CSMD1: variants seen among roughly 807,000 people sequenced by gnomAD.
The protein encoded by CSMD1 is CUB and sushi domain-containing protein 1.
CSMD1 carries 213 observed loss-of-function variants against 417.5 expected under a neutral mutation model. The ratio of observed to expected loss-of-function variants is 0.51; its 90% CI spans 0.46 to 0.57. The LOEUF (loss-of-function observed/expected upper bound fraction) is 0.57, where lower values mean the gene tolerates loss of function less well. Among genes scored for constraint, CSMD1 ranks in the 20% least tolerant of loss-of-function variants. The pLI is 0.00. For missense variants in CSMD1, 6,923 were observed against 4,529.7 expected (o/e 1.53, Z -15.17); for synonymous variants, 2,862 against 1,736.8 (o/e 1.65, Z -16.11).
At chr8:4,141,690 T>A (rs1803801117) in intron 3 of CSMD1, among the ~76,000 whole-genome samples, 1 of 151,150 alleles carries the variant, frequency 6.6e-6, no homozygotes, top group Admixed American at 6.6e-5. Flanking sequence ...TTGCTTAAAT[T>A]TTGGAGAGCA....
At chr8:3,983,006 C>A (rs935265490) in intron 5 of CSMD1, among the ~76,000 whole-genome samples, 1 of 152,224 alleles carries the variant, frequency 6.6e-6, no homozygotes, top group Admixed American at 6.5e-5. Context: ...GTTAGTAGCC[C>A]AAGACAGCAC....
At chr8:3,138,356 G>A (rs764486602) in intron 41 of CSMD1, among the ~76,000 whole-genome samples, 1 of 152,196 alleles carries the variant, frequency 6.6e-6, no homozygotes, top group Admixed American at 6.5e-5. Flanking sequence ...GTGGCCATTA[G>A]AGCAAACTAA....
intron 2 of CSMD1, among the ~76,000 whole-genome samples, chr8:4,506,524 G>C (rs1389954428): frequency 2.6e-5 from 4 of 152,136 alleles, no homozygotes; most frequent in Admixed American, 6.5e-5. Context: ...GGCGGGGTTG[G>C]GGATGGGAGG....
intron 15 of CSMD1, among the ~76,000 whole-genome samples, chr8:3,400,489 A>G (rs1811971311): frequency 6.6e-6 from 1 of 152,124 alleles, no homozygotes; most frequent in South Asian, 2.1e-4. Context: ...GAATTAGTGA[A>G]ATTTATGGAT....
chr8:4,673,830 A>T (rs1805503285), intron 1 of CSMD1, among the ~76,000 whole-genome samples: 1 of 152,146 alleles, frequency 6.6e-6, no homozygotes, highest in African/African-American at 2.4e-5. Flanking sequence ...GACTAAAAGC[A>T]ATTGAGTGCT....
At chr8:4,797,675 G>T (rs1054304037) in intron 1 of CSMD1, among the ~76,000 whole-genome samples, 1 of 152,170 alleles carries the variant, frequency 6.6e-6, no homozygotes, top group African/African-American at 2.4e-5. Context: ...GAAGCTAATA[G>T]GAATGCTTTC....
chr8:4,300,168 AACAG>A (rs1356828313), intron 3 of CSMD1, among the ~76,000 whole-genome samples: 17 of 151,494 alleles, frequency 1.1e-4, no homozygotes, highest in African/African-American at 3.9e-4. Flanking sequence ...ACAACAACAA[AACAG>A]ACAATTTCCT....
intron 2 of CSMD1, among the ~76,000 whole-genome samples, chr8:4,446,539 C>A (rs1798798893): frequency 6.6e-6 from 1 of 152,002 alleles, no homozygotes; most frequent in Non-Finnish European, 1.5e-5. Context: ...AGAATGAGAC[C>A]CCGGTTCTGC....
intron 10 of CSMD1, among the ~76,000 whole-genome samples, chr8:3,556,829 C>T (rs1799177438): frequency 6.6e-6 from 1 of 151,984 alleles, no homozygotes; most frequent in Non-Finnish European, 1.5e-5. Flanking sequence ...CCTCTCCCTT[C>T]ACTGCCATAG....
chr8:4,497,839 T>C (rs986055526), intron 2 of CSMD1, among the ~76,000 whole-genome samples: 3 of 151,960 alleles, frequency 2.0e-5, no homozygotes, highest in African/African-American at 4.8e-5. Context: ...GGTAGAAAAA[T>C]AATTTCTTTT....
chr8:4,038,865 G>A (rs552461781), intron 3 of CSMD1, among the ~76,000 whole-genome samples: 1 of 152,102 alleles, frequency 6.6e-6, no homozygotes, highest in Non-Finnish European at 1.5e-5. Flanking sequence ...CTTGAAACTT[G>A]AAACATAGGC....
At chr8:4,444,216 C>A (rs1798648106) in intron 2 of CSMD1, among the ~76,000 whole-genome samples, 2 of 151,772 alleles carry the variant, frequency 1.3e-5, no homozygotes. Context: ...GTGGCACAGA[C>A]CTGTGATCCC....
chr8:4,775,953 C>T (rs777239174), intron 1 of CSMD1, among the ~76,000 whole-genome samples: 2 of 152,180 alleles, frequency 1.3e-5, no homozygotes, highest in Non-Finnish European at 2.9e-5. Flanking sequence ...AGTTGGAGTC[C>T]ATGACCAACA....
chr8:3,686,101 T>C (rs377039865), intron 7 of CSMD1, among the ~76,000 whole-genome samples: 2 of 468 alleles, frequency 4.3e-3, no homozygotes, highest in Non-Finnish European at 8.0e-3. Flanking sequence ...GAAGGGTCAG[T>C]TTTCTATGTT....
intron 1 of CSMD1, among the ~76,000 whole-genome samples, chr8:4,781,397 C>A (rs1318997707): frequency 1.3e-5 from 2 of 152,220 alleles, no homozygotes; most frequent in Non-Finnish European, 2.9e-5. Flanking sequence ...ATTTATCTTA[C>A]CCCCATCCAA....
chr8:4,342,542 A>G (rs1237939506), intron 3 of CSMD1, among the ~76,000 whole-genome samples: 1 of 152,032 alleles, frequency 6.6e-6, no homozygotes, highest in African/African-American at 2.4e-5. Flanking sequence ...GATGTATGAC[A>G]TTTGCCCAGT....
intron 12 of CSMD1, among the ~76,000 whole-genome samples, chr8:3,432,204 T>A (rs1585156005): frequency 6.6e-6 from 1 of 152,142 alleles, no homozygotes; most frequent in Non-Finnish European, 1.5e-5. Context: ...GAGGCATGGG[T>A]AGAGAACTGA....
intron 20 of CSMD1, among the ~76,000 whole-genome samples, chr8:3,363,584 G>T (rs968847075): frequency 2.0e-5 from 3 of 152,132 alleles, no homozygotes; most frequent in Admixed American, 6.5e-5. Context: ...CTGGAGTGCA[G>T]TGGCGCGATC....
At chr8:3,394,016 A>T (rs1479291990) in intron 17 of CSMD1, among the ~76,000 whole-genome samples, 1,738 of 62,440 alleles carry the variant, frequency 0.028, 18 homozygotes, top group East Asian at 0.051. Context: ...AATAAATTAT[A>T]TATATATATA....
Sources: gnomAD v4.1 joint callset for allele counts (sites outside exome capture counted in the v4.1 genomes callset) on GRCh38, gnomAD v4.1.1 for gene constraint, MANE v1.5 for transcripts, NCBI Gene and HGNC (gene_info 2026-07-23, HGNC 2026-07-21) for gene names.